BMP3: variants seen among roughly 807,000 people sequenced by gnomAD.
BMP3 encodes bone morphogenetic protein 3 (osteogenic).
Under a neutral mutation model 38.1 loss-of-function variants are expected in BMP3, and 23 were observed. The observed-to-expected ratio is 0.60, with a 90% CI of 0.43 to 0.86. BMP3 has a LOEUF of 0.86. Among genes scored for constraint, BMP3 ranks in the 40% least tolerant of loss-of-function variants. The pLI, the probability that BMP3 is intolerant of heterozygous loss-of-function variation, is 0.00. For synonymous variants in BMP3, 258 were observed against 225.7 expected, an observed-to-expected ratio of 1.14 and a Z score of -1.28; for missense variants, 628 against 579.6, an observed-to-expected ratio of 1.08 and a Z score of -0.86.
rs1436696841 is a variant in BMP3 at position 81,053,442 on chromosome 4, T to C, written c.1325T>C (p.Met442Thr). The C allele has an allele frequency of 1.2e-6, 2 of 1,611,546 alleles. No individual in the cohort carries two copies. The highest frequency in any genetic ancestry group is 8.5e-7 in the Non-Finnish European group (1 of 1,178,662). ...IPEPCCVPEKMSSLSILFFDE... is the reference protein window; with the variant it reads ...IPEPCCVPEKTSSLSILFFDE... Reference sequence around the variant, plus strand: ...GAGCCTTGCTGTGTACCAGAAAAGATGTCCTCACTCAGTATTTTATTCTTT... The same window carrying C: ...GAGCCTTGCTGTGTACCAGAAAAGACGTCCTCACTCAGTATTTTATTCTTT... Residue 442 changes from methionine to threonine, a missense_variant, in exon 3 of 3, where the codon ATG (methionine) becomes ACG (threonine). By Grantham distance (81) the Met-to-Thr change is moderately conservative. Coordinates refer to ENST00000282701, the MANE Select transcript of BMP3 (RefSeq NM_001201.5).
At chr4:81,034,195 C>T (rs1202044800) in intron 1 of BMP3, among the ~76,000 whole-genome samples, 1 of 152,156 alleles carries the variant, frequency 6.6e-6, no homozygotes, top group Admixed American at 6.5e-5. Flanking sequence ...TTTCTCCTCC[C>T]TGAATGCTAT....
chr4:81,052,092 T>C (rs1343848180), intron 2 of BMP3, among the ~76,000 whole-genome samples: 1 of 152,022 alleles, frequency 6.6e-6, no homozygotes, highest in Non-Finnish European at 1.5e-5. Context: ...TGTTCCAGTT[T>C]CCCATGCTGG....
intron 2 of BMP3, among the ~76,000 whole-genome samples, chr4:81,052,860 TTAAA>T (rs1449300547): frequency 6.6e-6 from 1 of 152,184 alleles, no homozygotes; most frequent in African/African-American, 2.4e-5. Flanking sequence ...TGTATCTCTG[TTAAA>T]TAGAGTGCTT....
rs942199188 is a variant in BMP3, at chr4:81,055,331, G to A, written c.*1795G>A. 6.6e-6 allele frequency: 1 copy of A among 152,118 alleles called. No individual in the cohort carries two copies. The highest frequency in any genetic ancestry group is 6.6e-5 in the Admixed American group (1 of 15,258). 9.4% of individuals were successfully genotyped at this position (152,118 alleles called of 1,614,324 possible). A position where few individuals can be genotyped will look rare whatever the true frequency, so the allele number is the denominator to read the frequency against. ...ATGAAAAGAAGCTCTTTGACACCTT[G>A]GGGTACACAAATGTTGGTGTGGGTG... On this transcript the variant is annotated 3_prime_UTR_variant, in exon 3 of 3. Coordinates refer to ENST00000282701, the MANE Select transcript of BMP3 (RefSeq NM_001201.5).
rs373852833 is a variant in BMP3 at position 81,047,724 on chromosome 4, AG to A, written c.1227+1077del. On this transcript the variant is annotated intron_variant, in intron 2 of 2. Transcript: ENST00000282701. ...CTCTAAAATAGCGTTTTCATGTTCTAGCCAAGTGTAGCACTTGGTTATAATC... is the reference window on the plus strand; with the variant it reads ...CTCTAAAATAGCGTTTTCATGTTCTACCAAGTGTAGCACTTGGTTATAATC... Among the ~76,000 whole-genome samples, 858 of 152,234 alleles carry A rather than the reference AG, an allele frequency of 5.6e-3. 4 individuals are homozygous for A. Among genetic ancestry groups the A allele is most frequent in the African/African-American group, 0.02 (815 of 41,552 alleles).
At chr4:81,033,823 T>A (rs961041172) in intron 1 of BMP3, among the ~76,000 whole-genome samples, 1 of 152,178 alleles carries the variant, frequency 6.6e-6, no homozygotes, top group African/African-American at 2.4e-5. Flanking sequence ...CCCTTGTAGG[T>A]GAAAGATGCT....
chr4:81,039,081 T>C (rs1739998793), intron 1 of BMP3, among the ~76,000 whole-genome samples: 1 of 152,214 alleles, frequency 6.6e-6, no homozygotes, highest in Non-Finnish European at 1.5e-5. Context: ...GTGTTCTTTG[T>C]AGAATTCTTC....
rs1208707731 is a variant in BMP3 at position 81,046,606 on chromosome 4, T to G, written c.1185T>G (p.Asp395Glu). 1.2e-6 allele frequency: 2 copies of G among 1,613,864 alleles called. No individual in the cohort carries two copies. The highest frequency in any genetic ancestry group is 1.3e-5 in the African/African-American group (1 of 74,930). Residue 395 changes from aspartate to glutamate, a missense_variant, in exon 2 of 3, where the codon GAT (aspartate) becomes GAG (glutamate). Asp to Glu is a conservative substitution (Grantham distance 45, BLOSUM62 2). Coordinates refer to ENST00000282701, the MANE Select transcript of BMP3 (RefSeq NM_001201.5). ...GGATTATCTCCCCCAAGTCCTTTGA[T>G]GCCTATTATTGCTCTGGAGCATGCC... ...SEWIISPKSF[D>E]AYYCSGACQF... is the part of the protein sequence containing the mutation.
intron 1 of BMP3, among the ~76,000 whole-genome samples, chr4:81,044,112 G>A (rs1740165818): frequency 6.6e-6 from 1 of 152,166 alleles, no homozygotes; most frequent in Admixed American, 6.5e-5. Context: ...GTTGGTAAGT[G>A]GCTGAGCGAG....
At chr4:81,047,671 A>C (rs1298063923) in intron 2 of BMP3, among the ~76,000 whole-genome samples, 1 of 152,160 alleles carries the variant, frequency 6.6e-6, no homozygotes, top group African/African-American at 2.4e-5. Context: ...CCTTTGTCTC[A>C]ACAAATGACC....
intron 1 of BMP3, among the ~76,000 whole-genome samples, chr4:81,039,109 A>C (rs1739999812): frequency 6.6e-6 from 1 of 152,158 alleles, no homozygotes; most frequent in Non-Finnish European, 1.5e-5. Context: ...CTGTGCCTGA[A>C]AGTTAAAGGC....
In BMP3 at chr4:81,046,357, T is replaced by G; in HGVS notation, c.936T>G (p.Asp312Glu). ...GGGCAGAATACCAGTATAAAAAGGA[T>G]GAGGTGTGGGAGGAGAGAAAGCCTT... ...LPGAEYQYKK[D>E]EVWEERKPYK... Residue 312 changes from aspartate to glutamate, a missense_variant, in exon 2 of 3, where the codon GAT becomes GAG. Coordinates refer to ENST00000282701, the MANE Select transcript of BMP3 (RefSeq NM_001201.5). The G allele has an allele frequency of 6.2e-7, 1 of 1,613,864 alleles. No individual in the cohort carries two copies. Among genetic ancestry groups the G allele is most frequent in the South Asian group, 1.1e-5 (1 of 91,066 alleles).
rs770326261 is a variant in BMP3 at position 81,031,500 on chromosome 4, G to A, written c.216G>A (p.Ala72=). The change falls in exon 1 of 3, where the codon GCG becomes GCA. Residue 72 remains alanine (A), a synonymous_variant. Transcript: ENST00000282701. ...RLYDRYSTVQ[A]ARTPGSLEGG... ...ATGACAGGTACAGCACGGTCCAGGCGGCCCGGACACCGGGCTCCCTGGAGG... is the reference window on the plus strand; with the variant it reads ...ATGACAGGTACAGCACGGTCCAGGCAGCCCGGACACCGGGCTCCCTGGAGG... The A allele has an allele frequency of 6.2e-6, 10 of 1,612,934 alleles. No homozygotes were observed. Among genetic ancestry groups the A allele is most frequent in the Non-Finnish European group, 8.5e-6 (10 of 1,179,734 alleles).
chr4:81,054,063 A>G lies in BMP3; in HGVS notation c.*527A>G, dbSNP rs1740478776. On this transcript the variant is annotated 3_prime_UTR_variant, in exon 3 of 3. Coordinates refer to ENST00000282701, the MANE Select transcript of BMP3 (RefSeq NM_001201.5). The stretch of plus-strand genomic sequence containing the variant: ...CCTCCACAAGTCATTGTCTAAGTGT[A>G]ATGGAAAGTTTATGCTGAGCGTTAG... 1.3e-5 allele frequency: 2 copies of G among 152,798 alleles called. No individual in the cohort carries two copies. The highest frequency in any genetic ancestry group is 4.8e-5 in the African/African-American group (2 of 41,440). 9.5% of individuals were successfully genotyped at this position (152,798 alleles called of 1,614,324 possible).
intron 2 of BMP3, among the ~76,000 whole-genome samples, chr4:81,051,305 G>A (rs1471224510): frequency 6.6e-6 from 1 of 152,138 alleles, no homozygotes; most frequent in Non-Finnish European, 1.5e-5. Flanking sequence ...TAAAAATGGA[G>A]GGTATGTTGT....
At position 81,031,181 on chromosome 4, in the gene BMP3, C is replaced by T; in HGVS notation, c.-104C>T. 2 of 1,274,560 alleles carry T rather than the reference C, an allele frequency of 1.6e-6. No homozygotes were observed. The highest frequency in any genetic ancestry group is 1.1e-6 in the Non-Finnish European group (1 of 948,176). 79.0% of individuals were successfully genotyped at this position (1,274,560 alleles called of 1,614,324 possible). ...TCCCGGGCTCCGTGCGCCCTCGCCC[C>T]AGCTGGTTTGGAGTTCAACCCTCGG... On this transcript the variant is annotated 5_prime_UTR_variant, in exon 1 of 3. Coordinates refer to ENST00000282701, the MANE Select transcript of BMP3 (RefSeq NM_001201.5).
chr4:81,040,421 G>T (rs1209849026), intron 1 of BMP3, among the ~76,000 whole-genome samples: 1 of 152,176 alleles, frequency 6.6e-6, no homozygotes, highest in Non-Finnish European at 1.5e-5. Flanking sequence ...CAGTCCCACA[G>T]ATGGATCTCA....
Position 81,053,410 on chromosome 4 carries a change from G to C in BMP3, c.1293G>C (p.Gly431=), listed in dbSNP as rs146470758. 33 of 1,611,192 alleles carry C rather than the reference G, an allele frequency of 2.0e-5. No individual in the cohort carries two copies. In the East Asian group the frequency reaches 7.4e-4, roughly 36 times the overall value. Residue 431 remains glycine, a synonymous_variant, in exon 3 of 3, where the codon GGG becomes GGC. Coordinates refer to ENST00000282701, the MANE Select transcript of BMP3 (RefSeq NM_001201.5). ...TGAGAGCTGTGGGGGTCGTTCCTGG[G>C]ATTCCTGAGCCTTGCTGTGTACCAG... The part of the protein sequence containing the change: ...SIVRAVGVVP[G]IPEPCCVPEK...
At chr4:81,050,777 G>A (rs553806538) in intron 2 of BMP3, among the ~76,000 whole-genome samples, 14 of 152,114 alleles carry the variant, frequency 9.2e-5, no homozygotes, top group African/African-American at 2.9e-4. Flanking sequence ...TATTGAAGTC[G>A]TGCTTCACCC....
Sources: gnomAD v4.1 joint callset for allele counts (sites outside exome capture counted in the v4.1 genomes callset) on GRCh38, gnomAD v4.1.1 for gene constraint, MANE v1.5 for transcripts, NCBI Gene and HGNC (gene_info 2026-07-23, HGNC 2026-07-21) for gene names.